The following THSD7A variants were observed in gnomAD, a reference collection of about 807,000 sequenced individuals.
THSD7A encodes the protein thrombospondin type 1 domain containing 7A, also known as thrombospondin type-1 domain-containing protein 7A.
Under a neutral mutation model 231.3 loss-of-function variants are expected in THSD7A, and 96 were observed. That is an observed-to-expected ratio of 0.41 (90% CI 0.35 to 0.49). THSD7A has a LOEUF of 0.49. Among genes scored for constraint, THSD7A ranks in the 20% least tolerant of loss-of-function variants. The pLI is 0.05. For missense variants in THSD7A, 2,290 were observed against 2,070.2 expected (o/e 1.11, Z -2.06); for synonymous variants, 940 against 743.3 (o/e 1.26, Z -4.30).
At chr7:11,650,221 T>C (rs1782439328) in intron 1 of THSD7A, among the ~76,000 whole-genome samples, 1 of 152,082 alleles carries the variant, frequency 6.6e-6, no homozygotes, top group Admixed American at 6.6e-5. Flanking sequence ...TCATCTTCCA[T>C]GACTCATCCA....
At chr7:11,540,238 A>T (rs959019165) in intron 6 of THSD7A, among the ~76,000 whole-genome samples, 3 of 152,218 alleles carry the variant, frequency 2.0e-5, no homozygotes, top group Non-Finnish European at 4.4e-5. Flanking sequence ...TCCCATTTCA[A>T]ACTCAAGCAC....
chr7:11,724,695 G>A (rs1781483574), intron 1 of THSD7A, among the ~76,000 whole-genome samples: 1 of 151,762 alleles, frequency 6.6e-6, no homozygotes, highest in Admixed American at 6.6e-5. Context: ...TTTTAAAATG[G>A]AAAAAGTCAT....
At chr7:11,460,479 A>C (rs1460486462) in intron 11 of THSD7A, among the ~76,000 whole-genome samples, 183 bp downstream of exon 11, 1 of 152,214 alleles carries the variant, frequency 6.6e-6, no homozygotes, top group Non-Finnish European at 1.5e-5. Flanking sequence ...CTAATGCCAA[A>C]GAACAATGGG....
At chr7:11,452,938 A>T (rs1333057216) in intron 11 of THSD7A, among the ~76,000 whole-genome samples, 1 of 152,062 alleles carries the variant, frequency 6.6e-6, no homozygotes, top group African/African-American at 2.4e-5. Flanking sequence ...GCCAAAAAAG[A>T]GATTAAAAAT....
At chr7:11,434,593 G>A (rs1290730184) in intron 13 of THSD7A, among the ~76,000 whole-genome samples, 1 of 152,082 alleles carries the variant, frequency 6.6e-6, no homozygotes. Context: ...TTATAGCTGT[G>A]TGAATGAGTA....
intron 6 of THSD7A, among the ~76,000 whole-genome samples, chr7:11,540,914 T>G (rs528463304): frequency 6.6e-6 from 1 of 152,300 alleles, no homozygotes; most frequent in South Asian, 2.1e-4. Flanking sequence ...TCAGGAACTC[T>G]AGGCTGTGGT....
intron 1 of THSD7A, among the ~76,000 whole-genome samples, chr7:11,639,284 A>G (rs1292618544): frequency 6.6e-6 from 1 of 152,208 alleles, no homozygotes; most frequent in Non-Finnish European, 1.5e-5. Flanking sequence ...TTATCCTCAG[A>G]GTGTAAACAA....
chr7:11,681,992 A>G (rs1180506442), intron 1 of THSD7A, among the ~76,000 whole-genome samples: 2 of 152,130 alleles, frequency 1.3e-5, no homozygotes, highest in African/African-American at 4.8e-5. Flanking sequence ...AAAGAATTTC[A>G]TAACCCACCA....
At chr7:11,751,453 C>T (rs531810338) in intron 1 of THSD7A, 2 of 152,148 alleles carry the variant, frequency 1.3e-5, no homozygotes, top group African/African-American at 4.8e-5. Flanking sequence ...GCATTCTCTT[C>T]CCCTTTAAAT....
chr7:11,392,925 T>G (rs998534421), intron 23 of THSD7A, among the ~76,000 whole-genome samples: 2 of 152,096 alleles, frequency 1.3e-5, no homozygotes, highest in Non-Finnish European at 2.9e-5. Flanking sequence ...TGGGATAGGA[T>G]AGAGCACCTG....
chr7:11,378,159 A>G (rs1174072356), intron 26 of THSD7A: 1 of 152,176 alleles, frequency 6.6e-6, no homozygotes, highest in African/African-American at 2.4e-5. Flanking sequence ...ATAGAAATGG[A>G]GATGTGCTAG....
At chr7:11,717,636 AAT>A (rs1781185747) in intron 1 of THSD7A, among the ~76,000 whole-genome samples, 1 of 151,594 alleles carries the variant, frequency 6.6e-6, no homozygotes, top group African/African-American at 2.4e-5. Context: ...CTACTAGGAG[AAT>A]ATATCTGTCT....
At chr7:11,399,583 G>C (rs1368547074) in intron 23 of THSD7A, among the ~76,000 whole-genome samples, 1 of 152,146 alleles carries the variant, frequency 6.6e-6, no homozygotes, top group Non-Finnish European at 1.5e-5. Flanking sequence ...CTGGCCATCA[G>C]AGAAATGCAA....
intron 6 of THSD7A, among the ~76,000 whole-genome samples, chr7:11,523,322 T>C (rs1261712725): frequency 6.6e-6 from 1 of 152,080 alleles, no homozygotes; most frequent in East Asian, 1.9e-4. Flanking sequence ...ACACAGGCAC[T>C]AGAAATACAA....
intron 7 of THSD7A, among the ~76,000 whole-genome samples, chr7:11,479,115 T>C (rs559447310): frequency 3.3e-5 from 5 of 152,302 alleles, no homozygotes; most frequent in African/African-American, 1.2e-4. Context: ...AATTGCCCTG[T>C]AGAGTTACCC....
chr7:11,423,546 T>A (rs1784223366), intron 16 of THSD7A, among the ~76,000 whole-genome samples: 1 of 151,798 alleles, frequency 6.6e-6, no homozygotes, highest in African/African-American at 2.4e-5. Flanking sequence ...TTTTTTGTAT[T>A]TTTTAGTAGA....
At chr7:11,749,387 C>G (rs1782424722) in intron 1 of THSD7A, among the ~76,000 whole-genome samples, 1 of 151,932 alleles carries the variant, frequency 6.6e-6, no homozygotes, top group Non-Finnish European at 1.5e-5. Flanking sequence ...TTATCTAATG[C>G]AAGGTAAGCT....
chr7:11,483,896 G>A (rs956377101), intron 6 of THSD7A, among the ~76,000 whole-genome samples: 1 of 152,108 alleles, frequency 6.6e-6, no homozygotes, highest in East Asian at 1.9e-4. Flanking sequence ...TGCTACAAGG[G>A]TGCCATTAGA....
At chr7:11,479,817 G>C (rs887415094) in intron 7 of THSD7A, among the ~76,000 whole-genome samples, 25 of 152,044 alleles carry the variant, frequency 1.6e-4, no homozygotes, top group Non-Finnish European at 1.6e-4. Flanking sequence ...TATTAACAGA[G>C]GTAAATAGCA....
Sources: allele counts gnomAD v4.1 joint callset (sites outside exome capture counted in the v4.1 genomes callset), GRCh38; gene constraint gnomAD v4.1.1; transcripts MANE v1.5; gene names NCBI Gene and HGNC (gene_info 2026-07-23, HGNC 2026-07-21).